SMYD3: variants seen among roughly 807,000 people sequenced by gnomAD.
The protein encoded by SMYD3 is histone-lysine N-methyltransferase SMYD3.
Under a neutral mutation model 57.7 loss-of-function variants are expected in SMYD3, and 36 were observed. The ratio of observed to expected loss-of-function variants is 0.62; its 90% CI spans 0.48 to 0.82. The LOEUF is 0.82. Among genes scored for constraint, SMYD3 ranks in the 40% least tolerant of loss-of-function variants. The pLI is 0.00. For synonymous variants in SMYD3, 211 were observed against 195.0 expected, an observed-to-expected ratio of 1.08 and a Z score of -0.68; for missense variants, 515 against 538.8, an observed-to-expected ratio of 0.96 and a Z score of 0.44.
At chr1:245,955,153 G>A (rs189735619) in intron 5 of SMYD3, among the ~76,000 whole-genome samples, 66 of 152,192 alleles carry the variant, frequency 4.3e-4, no homozygotes, top group East Asian at 2.7e-3. Flanking sequence ...CTGCAGTGGC[G>A]CGATCTCAGC....
chr1:246,226,078 T>C (rs2063326257), intron 5 of SMYD3, among the ~76,000 whole-genome samples: 1 of 152,206 alleles, frequency 6.6e-6, no homozygotes, highest in South Asian at 2.1e-4. Context: ...AATCTGTTCT[T>C]TGAAGTTTCT....
intron 5 of SMYD3, among the ~76,000 whole-genome samples, chr1:246,205,897 C>G (rs561004224): frequency 1.4e-4 from 21 of 152,222 alleles, no homozygotes; most frequent in African/African-American, 5.1e-4. Flanking sequence ...CTAAACTTTT[C>G]TAAATCTTCA....
chr1:246,355,341 G>A lies in SMYD3; in HGVS notation c.165-247C>T. 2.1e-6 allele frequency: 1 copy of A among 486,384 alleles called. No individual in the cohort carries two copies. The highest frequency in any genetic ancestry group is 2.0e-5 in the African/African-American group (1 of 50,706). 30.1% of individuals were successfully genotyped at this position (486,384 alleles called of 1,614,324 possible). ...GGCGGGGAAGAGGCAGGACCAGCTT[G>A]CAGCTCCCGATCGGACAGACAGAGC... On this transcript the variant is annotated intron_variant, in intron 1 of 11. Coordinates refer to ENST00000490107, the MANE Select transcript of SMYD3 (RefSeq NM_001167740.2). The surrounding 1 kb of genome is among the most constrained non-coding windows in gnomAD (Gnocchi z 5.0).
At chr1:245,753,186 T>C (rs1251479598) in intron 11 of SMYD3, among the ~76,000 whole-genome samples, 2 of 148,402 alleles carry the variant, frequency 1.3e-5, no homozygotes, top group Non-Finnish European at 3.0e-5. Flanking sequence ...ATCTCGTCCA[T>C]AGGGTGGCTA....
intron 5 of SMYD3, among the ~76,000 whole-genome samples, chr1:246,169,192 CA>C: frequency 6.6e-6 from 1 of 152,032 alleles, no homozygotes; most frequent in African/African-American, 2.4e-5. Context: ...AGGCAGTCTG[CA>C]AAAGACAGAT....
At chr1:245,813,415 G>A (rs1315413853) in intron 10 of SMYD3, among the ~76,000 whole-genome samples, 1 of 152,172 alleles carries the variant, frequency 6.6e-6, no homozygotes, top group Non-Finnish European at 1.5e-5. Context: ...AAGCACAGCA[G>A]CTGGCCTGAA....
intron 10 of SMYD3, among the ~76,000 whole-genome samples, chr1:245,823,333 G>A (rs7529893): frequency 0.018 from 2,242 of 122,638 alleles, 44 homozygotes; most frequent in African/African-American, 0.05. Flanking sequence ...ACACACACAC[G>A]CGCGCTCGTG....
At chr1:246,168,048 GC>G (rs2062252252) in intron 5 of SMYD3, among the ~76,000 whole-genome samples, 1 of 152,142 alleles carries the variant, frequency 6.6e-6, no homozygotes, top group Admixed American at 6.5e-5. Flanking sequence ...AGGAAGCTGT[GC>G]TATGAAACCA....
rs1287373599 is a variant in SMYD3, at chr1:245,814,903, C to G, written c.1076+43593G>C. On this transcript the variant is annotated intron_variant, in intron 10 of 11. Coordinates refer to ENST00000490107, the MANE Select transcript of SMYD3 (RefSeq NM_001167740.2). ...GCACACACGCATGCACACACACACA[C>G]TCTATCTTCACTGAAGGCTCCCAAG... Among the ~76,000 whole-genome samples, 9 of 152,014 alleles carry G rather than the reference C, an allele frequency of 5.9e-5. No homozygotes were observed. In the East Asian group the frequency reaches 9.7e-4, roughly 16 times the overall value.
intron 5 of SMYD3, among the ~76,000 whole-genome samples, chr1:246,159,148 G>A (rs1305565310): frequency 6.6e-6 from 1 of 152,166 alleles, no homozygotes; most frequent in African/African-American, 2.4e-5. Context: ...TTTCTAAAGT[G>A]CTGGGGGGAA....
intron 1 of SMYD3, among the ~76,000 whole-genome samples, chr1:246,440,278 T>C (rs1439489056): frequency 2.6e-5 from 4 of 152,220 alleles, no homozygotes; most frequent in Non-Finnish European, 5.9e-5. Flanking sequence ...CTTAATGTGA[T>C]TATTTGCCCC....
chr1:246,401,235 C>T lies in SMYD3; in HGVS notation c.165-46141G>A, dbSNP rs532755451. Among the ~76,000 whole-genome samples, 4 of 152,322 alleles carry T rather than the reference C, an allele frequency of 2.6e-5. No individual in the cohort carries two copies. In the East Asian group the frequency reaches 7.7e-4, roughly 29 times the overall value. The stretch of plus-strand genomic sequence containing the variant: ...TAAGGCCCAGGCATGGTGGCTCACA[C>T]CTCTAAATCTCAGCACTTTGGGAGG... On this transcript the variant is annotated intron_variant, in intron 1 of 11. Coordinates refer to ENST00000490107, the MANE Select transcript of SMYD3 (RefSeq NM_001167740.2).
chr1:246,364,987 A>G (rs1198344702), intron 1 of SMYD3, among the ~76,000 whole-genome samples: 1 of 152,244 alleles, frequency 6.6e-6, no homozygotes, highest in East Asian at 1.9e-4. Flanking sequence ...GTGTAACTAC[A>G]TAAGTTTCTG....
intron 5 of SMYD3, among the ~76,000 whole-genome samples, chr1:246,012,640 G>A (rs1250509258): frequency 6.6e-6 from 1 of 152,128 alleles, no homozygotes; most frequent in Non-Finnish European, 1.5e-5. Context: ...TTCACCAAGT[G>A]CTACTCTCCC....
intron 3 of SMYD3, among the ~76,000 whole-genome samples, chr1:246,330,860 A>T (rs1185873392): frequency 1.3e-5 from 2 of 152,196 alleles, no homozygotes; most frequent in Non-Finnish European, 2.9e-5. Flanking sequence ...AAGGTGGGGC[A>T]TGGTAGCTCA....
intron 5 of SMYD3, among the ~76,000 whole-genome samples, chr1:245,966,039 G>T (rs749790094): frequency 6.6e-6 from 1 of 152,082 alleles, no homozygotes; most frequent in Non-Finnish European, 1.5e-5. Context: ...AACATAAAAC[G>T]GTTCTCAAAT....
intron 5 of SMYD3, among the ~76,000 whole-genome samples, chr1:246,013,911 A>G (rs1397203924): frequency 6.6e-6 from 1 of 152,370 alleles, no homozygotes; most frequent in Non-Finnish European, 1.5e-5. Flanking sequence ...TACGGTACAC[A>G]GTATCTTATT....
At chr1:246,122,980 C>A (rs75778589) in intron 5 of SMYD3, among the ~76,000 whole-genome samples, 6,730 of 152,154 alleles carry the variant, frequency 0.044, 398 homozygotes, top group African/African-American at 0.13. Context: ...TTTGATTTTA[C>A]TTTGATTTCC....
At chr1:246,266,797 AAGAG>A (rs371099187) in intron 5 of SMYD3, among the ~76,000 whole-genome samples, 228 of 135,416 alleles carry the variant, frequency 1.7e-3, no homozygotes, top group African/African-American at 5.3e-3. Context: ...GAAAGAGAGA[AAGAG>A]AGAGAGAGAA....
Sources: gnomAD v4.1 joint callset for allele counts (sites outside exome capture counted in the v4.1 genomes callset) on GRCh38, gnomAD v4.1.1 for gene constraint, Gnocchi (gnomAD v3.1) non-coding constraint, MANE v1.5 for transcripts, NCBI Gene and HGNC (gene_info 2026-07-23, HGNC 2026-07-21) for gene names.